Variants in MMS19 observed in about 807,000 individuals in gnomAD.
The protein encoded by MMS19 is MMS19 cytosolic iron-sulfur assembly component.
In MMS19, 77 loss-of-function variants were observed where a neutral mutation model predicts 129.8. The ratio of observed to expected loss-of-function variants is 0.59; its 90% CI spans 0.49 to 0.72. The LOEUF is 0.72. Among genes scored for constraint, MMS19 ranks in the 30% least tolerant of loss-of-function variants. The pLI, the probability that MMS19 is intolerant of heterozygous loss-of-function variation, is 0.00. For missense variants in MMS19, 1,168 were observed against 1,266.3 expected (o/e 0.92, Z 1.18); for synonymous variants, 491 against 502.8 (o/e 0.98, Z 0.31).
chr10:97,470,364 G>A (rs2034427997), intron 9 of MMS19, among the ~76,000 whole-genome samples, 161 bp from the exon 10 acceptor site: 1 of 152,214 alleles, frequency 6.6e-6, no homozygotes, highest in Admixed American at 6.5e-5. Flanking sequence ...CTGCCAAGCA[G>A]TGACCAGAGC....
intron 18 of MMS19, among the ~76,000 whole-genome samples, chr10:97,465,136 A>C (rs1157189996): frequency 6.6e-6 from 1 of 151,906 alleles, no homozygotes; most frequent in Non-Finnish European, 1.5e-5. Context: ...CAGCCTCCTG[A>C]GTAGCTGGGA....
In MMS19 at chr10:97,498,419, C is replaced by A; in HGVS notation, c.-35G>T. On this transcript the variant is annotated 5_prime_UTR_variant, in exon 1 of 31. Coordinates refer to ENST00000438925, the MANE Select transcript of MMS19 (RefSeq NM_022362.5). Reference sequence around the variant, plus strand: ...TAGAGACCGTGGGAGGGGATATGGGCGGTGGCTCGAGACGGGCTCTCCGCG... The same window carrying A: ...TAGAGACCGTGGGAGGGGATATGGGAGGTGGCTCGAGACGGGCTCTCCGCG... The A allele has an allele frequency of 6.4e-7, 1 of 1,569,714 alleles. No homozygotes were observed. The highest frequency in any genetic ancestry group is 2.3e-5 in the East Asian group (1 of 42,720).
At chr10:97,487,349 C>T (rs567520860) in intron 1 of MMS19, among the ~76,000 whole-genome samples, 267 of 140,984 alleles carry the variant, frequency 1.9e-3, no homozygotes, top group East Asian at 0.012. Flanking sequence ...GACAGAATCT[C>T]GCTCTTTCGC....
At chr10:97,472,201 A>T (rs1416476642) in intron 8 of MMS19, among the ~76,000 whole-genome samples, 2 of 152,216 alleles carry the variant, frequency 1.3e-5, no homozygotes, top group Non-Finnish European at 2.9e-5. Context: ...AACAGAAGAA[A>T]TTCAGACTTC....
intron 20 of MMS19, 62 bp downstream of exon 20, chr10:97,462,521 G>C: frequency 8.2e-7 from 1 of 1,212,312 alleles, no homozygotes; most frequent in Non-Finnish European, 1.2e-6. Flanking sequence ...GCTACCTGTT[G>C]CTTCTTCCTA....
In MMS19 at chr10:97,465,910, G is replaced by A. The variant is rs150301929; in HGVS notation, c.1651C>T (p.Arg551Trp). The change falls in exon 18 of 31, where the codon CGG becomes TGG. Residue 551 changes from arginine (R) to tryptophan (W), a missense_variant. Around this residue, in one of 3 missense-constraint regions of MMS19, gnomAD observed 831 missense variants for 910.8 expected, o/e 0.91. Transcript: ENST00000438925. ...AAGGCTTGCAGACAGCACAGATGCC[G>A]GGAGCATTGGGTGGGCTCATCTCCG... is the stretch of plus-strand genomic sequence containing the variant. Reference protein sequence around the residue: ...TNGDEPTQCSRHLCCLQALSA... With the variant: ...TNGDEPTQCSWHLCCLQALSA... 224 of 1,613,844 alleles carry A rather than the reference G, an allele frequency of 1.4e-4. No individual in the cohort carries two copies. The highest frequency in any genetic ancestry group is 1.5e-4 in the Non-Finnish European group (180 of 1,179,874).
At chr10:97,497,461 T>G (rs2040004471) in intron 1 of MMS19, among the ~76,000 whole-genome samples, 1 of 152,160 alleles carries the variant, frequency 6.6e-6, no homozygotes, top group Non-Finnish European at 1.5e-5. Context: ...ATTAGATAAT[T>G]TTATATTGTT....
In MMS19 at chr10:97,459,255, T is replaced by A. The variant is rs752680362; in HGVS notation, c.2932A>T (p.Met978Leu). 6.2e-6 allele frequency: 10 copies of A among 1,613,180 alleles called. No homozygotes were observed. The highest frequency in any genetic ancestry group is 8.5e-6 in the Non-Finnish European group (10 of 1,179,614). The part of the protein sequence containing the change: ...MAVRIAALQC[M>L]HALTRLPTPV... ...GTGGGCAGGCGAGTGAGAGCATGCA[T>A]GCACTGCAGTGCGGCGATCCGGACA... Residue 978 changes from methionine to leucine, a missense_variant, in exon 29 of 31, where the codon ATG becomes TTG. Physicochemically the swap from Met to Leu is conservative, Grantham distance 15. Transcript: ENST00000438925.
chr10:97,472,596 A>AT (rs369792317), intron 8 of MMS19, among the ~76,000 whole-genome samples: 49 of 147,508 alleles, frequency 3.3e-4, no homozygotes, highest in East Asian at 2.2e-3. Context: ...AATAATTTCC[A>AT]TTTTTTTTTT....
intron 3 of MMS19, among the ~76,000 whole-genome samples, chr10:97,479,414 C>A (rs1485597972): frequency 6.6e-6 from 1 of 152,174 alleles, no homozygotes; most frequent in East Asian, 1.9e-4. Context: ...TGCTGCTGTT[C>A]CCCATTCGAC....
rs1485586046 is a variant in MMS19, at chr10:97,459,396, G to T, written c.2870C>A (p.Thr957Asn). Reference sequence around the variant, plus strand: ...GCTAGAGCTGAGGTTCAGAAACTTGGTGACGAGGGTGTCCACGTGAAGACT... The same window carrying T: ...GCTAGAGCTGAGGTTCAGAAACTTGTTGACGAGGGTGTCCACGTGAAGACT... ...VMSLHVDTLV[T>N]KFLNLSSSPS... is the part of the protein sequence containing the mutation. Residue 957 changes from threonine to asparagine, a missense_variant, in exon 28 of 31, where the codon ACC becomes AAC. Coordinates refer to ENST00000438925, the MANE Select transcript of MMS19 (RefSeq NM_022362.5). The T allele has an allele frequency of 4.4e-6, 7 of 1,604,704 alleles. No individual in the cohort carries two copies. Among genetic ancestry groups the T allele is most frequent in the Non-Finnish European group, 2.6e-6 (3 of 1,175,678 alleles).
intron 29 of MMS19, 68 bp from the exon 30 acceptor site, chr10:97,458,968 C>G: frequency 6.8e-7 from 1 of 1,462,016 alleles, no homozygotes; most frequent in Non-Finnish European, 9.5e-7. Flanking sequence ...TTTTTTGATT[C>G]TGTACAACTA....
At chr10:97,494,417 C>T (rs756051740) in intron 1 of MMS19, among the ~76,000 whole-genome samples, 3 of 152,110 alleles carry the variant, frequency 2.0e-5, no homozygotes, top group Admixed American at 6.6e-5. Flanking sequence ...TGAGGGGAAG[C>T]GGGTAGGGTG....
chr10:97,461,594 A>G lies in MMS19; in HGVS notation c.2213T>C (p.Met738Thr), dbSNP rs76507568. ...GCAGCTCAGTTCCAAAAGCTCCCGC[A>G]TGAGTTGGTTCAGCTGAGGGATTTC... is the stretch of plus-strand genomic sequence containing the variant. Reference protein sequence around the residue: ...NVEIPQLNQLMRELLELSCCH... With the variant: ...NVEIPQLNQLTRELLELSCCH... The change falls in exon 23 of 31, where the codon ATG becomes ACG. Residue 738 changes from methionine (M) to threonine (T), a missense_variant. By Grantham distance (81) the Met-to-Thr change is moderately conservative (BLOSUM62 -1). This residue lies in a region of MMS19 where 831 missense variants were observed against 910.8 expected (regional missense o/e 0.91). Coordinates refer to ENST00000438925, the MANE Select transcript of MMS19 (RefSeq NM_022362.5). The G allele has an allele frequency of 6.9e-6, 11 of 1,600,794 alleles. No individual in the cohort carries two copies. The highest frequency in any genetic ancestry group is 6.7e-5 in the African/African-American group (5 of 74,794).
rs752824326 is a variant in MMS19 at position 97,463,818 on chromosome 10, C to T, written c.1912+40G>A. ...GGTGCTGTTCAACACCAGCAGAGGG[C>T]AAAGTTCCCAAAGGCCAGGAAGGAG... On this transcript the variant is annotated intron_variant, in intron 19 of 30. Transcript: ENST00000438925. 8.2e-6 allele frequency: 13 copies of T among 1,589,062 alleles called. 1 individual carries two copies. Among genetic ancestry groups the T allele is most frequent in the South Asian group, 4.6e-5 (4 of 87,906 alleles).
rs1405929324 is a variant in MMS19, at chr10:97,458,798, AC to A, written c.3065+1del. On this transcript the variant is annotated splice_donor_variant, in intron 30 of 30. Transcript: ENST00000438925. LOFTEE classifies it high-confidence loss of function. ...ATCTCTCCCCACGACCTAGAAACTCACCACTCCCCTCTGGCTGACACTGCTT... is the reference window on the plus strand; with the variant it reads ...ATCTCTCCCCACGACCTAGAAACTCACACTCCCCTCTGGCTGACACTGCTT... 6.2e-7 allele frequency: 1 copy of A among 1,613,680 alleles called. No individual in the cohort carries two copies.
At position 97,496,060 on chromosome 10, in the gene MMS19, C is replaced by T. The variant is rs190539921; in HGVS notation, c.112+2213G>A. On this transcript the variant is annotated intron_variant, in intron 1 of 30. Coordinates refer to ENST00000438925, the MANE Select transcript of MMS19 (RefSeq NM_022362.5). ...TCTCTCAAAGTGTTGGCATTACAGGCGTGAGCCACTGTGCCCACCACCAAC... is the reference window on the plus strand; with the variant it reads ...TCTCTCAAAGTGTTGGCATTACAGGTGTGAGCCACTGTGCCCACCACCAAC... Among the ~76,000 whole-genome samples, 5 of 152,340 alleles carry T rather than the reference C, an allele frequency of 3.3e-5. No homozygotes were observed. The East Asian group carries it at 9.6e-4, about 29-fold the overall frequency.
chr10:97,492,129 C>T (rs1177149876), intron 1 of MMS19, among the ~76,000 whole-genome samples: 2 of 110,198 alleles, frequency 1.8e-5, no homozygotes, highest in African/African-American at 3.5e-5. Flanking sequence ...CAGAGTGAAA[C>T]TCAATCTAAA....
intron 1 of MMS19, among the ~76,000 whole-genome samples, chr10:97,493,384 T>C (rs918212523): frequency 2.6e-5 from 4 of 152,208 alleles, no homozygotes; most frequent in Admixed American, 6.5e-5. Flanking sequence ...GGAGACCACC[T>C]TGGGCAACAA....
Sources: gnomAD v4.1 joint callset for allele counts (sites outside exome capture counted in the v4.1 genomes callset) on GRCh38, gnomAD v4.1.1 for gene constraint, gnomAD v4.1.1 regional missense constraint, MANE v1.5 for transcripts, NCBI Gene and HGNC (gene_info 2026-07-23, HGNC 2026-07-21) for gene names.